Variants in HSPG2 observed in about 807,000 individuals in gnomAD.
HSPG2 encodes heparan sulfate proteoglycan 2.
In HSPG2, 278 loss-of-function variants were observed where a neutral mutation model predicts 526.6. The ratio of observed to expected loss-of-function variants is 0.53; its 90% CI spans 0.48 to 0.58. HSPG2 has a LOEUF of 0.58. Ranked by LOEUF, HSPG2 falls within the 20% of genes least tolerant of loss-of-function variation. The pLI, the probability that HSPG2 is intolerant of heterozygous loss-of-function variation, is 0.00. For synonymous variants in HSPG2, 2,465 were observed against 2,555.4 expected (o/e 0.96, Z 1.07); for missense variants, 5,354 against 6,099.5 (o/e 0.88, Z 4.07).
chr1:21,924,622 T>C (rs4233279), intron 1 of HSPG2, among the ~76,000 whole-genome samples: 140,717 of 152,118 alleles, frequency 0.93, 65,835 homozygotes, highest in South Asian at 0.99. Context: ...AGATGGTAGC[T>C]GACTGGTGAC....
intron 57 of HSPG2, among the ~76,000 whole-genome samples, chr1:21,849,348 G>A (rs1023316626): frequency 6.6e-6 from 1 of 152,172 alleles, no homozygotes; most frequent in Non-Finnish European, 1.5e-5. Context: ...GACCCCCAAG[G>A]CCTGGCCATC....
In HSPG2 at chr1:21,890,714, T is replaced by A; in HGVS notation, c.245-20A>T. On this transcript the variant is annotated intron_variant, in intron 3 of 96. Coordinates refer to ENST00000374695, the MANE Select transcript of HSPG2 (RefSeq NM_005529.7). The surrounding 1 kb of genome is among the most constrained non-coding windows in gnomAD (Gnocchi z 4.1). Reference sequence around the variant, plus strand: ...AATAAACTGGAAAATCGAAGGAGGATCATTTTGAGAGCCCCAGCCTGGCAT... The same window carrying A: ...AATAAACTGGAAAATCGAAGGAGGAACATTTTGAGAGCCCCAGCCTGGCAT... 1 of 1,575,830 alleles carries A rather than the reference T, an allele frequency of 6.3e-7. No individual in the cohort carries two copies. The highest frequency in any genetic ancestry group is 8.7e-7 in the Non-Finnish European group (1 of 1,147,170).
In HSPG2 at chr1:21,825,539, C is replaced by A. The variant is rs982194801; in HGVS notation, c.12590-760G>T. ...TGTCCATACTGTGTGTGGCTCCACACCCCCCCAGCCCTATCTGCTCATGAC... is the reference window on the plus strand; with the variant it reads ...TGTCCATACTGTGTGTGGCTCCACAACCCCCCAGCCCTATCTGCTCATGAC... On this transcript the variant is annotated intron_variant, in intron 91 of 96. Coordinates refer to ENST00000374695, the MANE Select transcript of HSPG2 (RefSeq NM_005529.7). Among the ~76,000 whole-genome samples, 18 of 152,194 alleles carry A rather than the reference C, an allele frequency of 1.2e-4. 1 individual carries two copies. The highest frequency in any genetic ancestry group is 4.1e-4 in the African/African-American group (17 of 41,492).
intron 33 of HSPG2, chr1:21,870,709 G>A (rs1005110010): frequency 4.1e-5 from 19 of 467,480 alleles, no homozygotes; most frequent in Non-Finnish European, 5.3e-5. Context: ...ATGGGACACC[G>A]CCTGGATTCA....
chr1:21,890,412 G>GGA lies in HSPG2; in HGVS notation c.413+13_413+14dup, dbSNP rs773762746. On this transcript the variant is annotated intron_variant, in intron 5 of 96. Coordinates refer to ENST00000374695, the MANE Select transcript of HSPG2 (RefSeq NM_005529.7). This position sits in a 1 kb window ranked among gnomAD's most constrained non-coding sequence, Gnocchi z 4.1. ...GCTCAAGTCCCCCAGCAGCCCCCAG[G>GGA]GAGCCCCTTCTCACTTGATGAACAC... The GGA allele has an allele frequency of 6.2e-7, 1 of 1,612,998 alleles. No individual in the cohort carries two copies. Among genetic ancestry groups the GGA allele is most frequent in the South Asian group, 1.1e-5 (1 of 91,046 alleles).
intron 1 of HSPG2, among the ~76,000 whole-genome samples, chr1:21,902,638 G>A (rs1248280742): frequency 1.3e-5 from 2 of 152,214 alleles, no homozygotes; most frequent in East Asian, 3.9e-4. Context: ...GCTGCCAGCA[G>A]GGCCCTGCTT....
chr1:21,876,757 G>A lies in HSPG2; in HGVS notation c.2686-105C>T. ...AGATAAGAACCCAAGACCCAGGGGA[G>A]CCACTGAAAGAGCACATGTGGCTGG... On this transcript the variant is annotated intron_variant, in intron 21 of 96. Coordinates refer to ENST00000374695, the MANE Select transcript of HSPG2 (RefSeq NM_005529.7). The A allele has an allele frequency of 4.0e-6, 6 of 1,485,380 alleles. No individual in the cohort carries two copies. In the South Asian group the frequency reaches 5.9e-5, roughly 15 times the overall value. The allele number at this position is 1,485,380 out of a possible 1,614,324, so 92.0% of individuals were successfully genotyped here.
intron 1 of HSPG2, among the ~76,000 whole-genome samples, chr1:21,905,167 CCACCCACACACACACACACA>C (rs1643306130): frequency 1.7e-5 from 2 of 120,782 alleles, no homozygotes; most frequent in South Asian, 2.5e-4. Context: ...CACCCACCAC[CCACCCACACACACACACACA>C]CACACACACA....
At chr1:21,878,305 G>A (rs1208197257) in intron 20 of HSPG2, 52 bp from the exon 21 acceptor site, 1 of 1,598,996 alleles carries the variant, frequency 6.3e-7, no homozygotes, top group African/African-American at 1.3e-5. Flanking sequence ...GATATACGTG[G>A]TCCGGGCAGA....
chr1:21,876,152 A>G (rs1379672429), intron 23 of HSPG2, 77 bp downstream of exon 23: 1 of 1,563,182 alleles, frequency 6.4e-7, no homozygotes, highest in East Asian at 2.3e-5. Flanking sequence ...AGGCACCACG[A>G]CCCTCCCGCC....
chr1:21,916,065 G>GA (rs199842142), intron 1 of HSPG2, among the ~76,000 whole-genome samples: 29 of 81,658 alleles, frequency 3.6e-4, no homozygotes, highest in African/African-American at 5.9e-4. Flanking sequence ...AAGAAAAGAA[G>GA]AAGAAGAAAA....
In HSPG2 at chr1:21,872,848, T is replaced by A; in HGVS notation, c.3889-88A>T. ...CCTGAGGCCAGCCTCCCTGGCCACT[T>A]CCAGCAGCCCCGGGCAGCCCCTGCC... On this transcript the variant is annotated intron_variant, in intron 31 of 96. Transcript: ENST00000374695. The surrounding 1 kb of genome is among the most constrained non-coding windows in gnomAD (Gnocchi z 5.5). 6.4e-7 allele frequency: 1 copy of A among 1,559,016 alleles called. No homozygotes were observed. The highest frequency in any genetic ancestry group is 8.8e-7 in the Non-Finnish European group (1 of 1,141,718).
rs776571982 is a variant in HSPG2 at position 21,828,405 on chromosome 1, G to A, written c.12259C>T (p.Leu4087=). The stretch of plus-strand genomic sequence containing the variant: ...CCTAGGAAACTGTAGGTGAGGTCCA[G>A]CCGTTTGCCATTCACTGACACCTGT... ...VGEVSVNGKR[L]DLTYSFLGSQ... is the part of the protein sequence containing the mutation. Residue 4087 remains leucine (L), a synonymous_variant, in exon 89 of 97, where the codon CTG becomes TTG. Transcript: ENST00000374695. The surrounding 1 kb of genome is among the most constrained non-coding windows in gnomAD (Gnocchi z 6.0). The A allele has an allele frequency of 1.9e-6, 3 of 1,613,626 alleles. No homozygotes were observed. The East Asian group carries it at 6.7e-5, about 36-fold the overall frequency.
chr1:21,835,159 A>C, intron 76 of HSPG2: 1 of 659,340 alleles, frequency 1.5e-6, no homozygotes, highest in Non-Finnish European at 2.7e-6. Flanking sequence ...TTTTTTAGAC[A>C]AAGGGTCTTG....
chr1:21,867,972 TG>T (rs2152740148), intron 33 of HSPG2, among the ~76,000 whole-genome samples: 1 of 146,514 alleles, frequency 6.8e-6, no homozygotes, highest in East Asian at 2.1e-4. Flanking sequence ...TCAGGTGTTC[TG>T]CCTGCCCCAG....
chr1:21,857,932 G>A (rs1321562038), intron 42 of HSPG2, among the ~76,000 whole-genome samples: 1 of 152,174 alleles, frequency 6.6e-6, no homozygotes, highest in African/African-American at 2.4e-5. Context: ...TGCTGCGCCT[G>A]AGTGCCACCC....
chr1:21,870,081 G>T (rs75793979), intron 33 of HSPG2: 3 of 214,822 alleles, frequency 1.4e-5, no homozygotes, highest in Non-Finnish European at 2.4e-5. Flanking sequence ...CATCAGGCTG[G>T]GGCCTGGCCT....
At position 21,824,599 on chromosome 1, in the gene HSPG2, C is replaced by T. The variant is rs138672955; in HGVS notation, c.12682G>A (p.Glu4228Lys). Reference sequence around the variant, plus strand: ...GTCCGAACCTCCAGCTCGATGGTCTCGGGCACCTCGGGCAGGCTGCGGAGG... The same window carrying T: ...GTCCGAACCTCCAGCTCGATGGTCTTGGGCACCTCGGGCAGGCTGCGGAGG... ...VFSRSLPEVP[E>K]TIELEVRTST... The change falls in exon 93 of 97, where the codon GAG (glutamate) becomes AAG (lysine). Residue 4228 changes from glutamate (E) to lysine (K), a missense_variant. Physicochemically the swap from Glu to Lys is moderately conservative, Grantham distance 56. Coordinates refer to ENST00000374695, the MANE Select transcript of HSPG2 (RefSeq NM_005529.7). The surrounding 1 kb of genome is among the most constrained non-coding windows in gnomAD (Gnocchi z 5.9). 22 of 1,613,904 alleles carry T rather than the reference C, an allele frequency of 1.4e-5. No individual in the cohort carries two copies. The highest frequency in any genetic ancestry group is 1.8e-5 in the Non-Finnish European group (21 of 1,180,046).
At chr1:21,867,353 G>A (rs576402932) in intron 33 of HSPG2, among the ~76,000 whole-genome samples, 1 of 152,164 alleles carries the variant, frequency 6.6e-6, no homozygotes, top group South Asian at 2.1e-4. Context: ...CCAAAGTGCT[G>A]GGATTATAGG....
Sources: allele counts gnomAD v4.1 joint callset (sites outside exome capture counted in the v4.1 genomes callset), GRCh38; gene constraint gnomAD v4.1.1; non-coding constraint Gnocchi (gnomAD v3.1); transcripts MANE v1.5; gene names NCBI Gene and HGNC (gene_info 2026-07-23, HGNC 2026-07-21).